SH3D19: variants seen among roughly 807,000 people sequenced by gnomAD.
SH3D19 encodes SH3 domain-containing protein 19.
SH3D19 carries 58 observed loss-of-function variants against 112.1 expected under a neutral mutation model. That is an observed-to-expected ratio of 0.52 (90% CI 0.42 to 0.64). SH3D19 has a LOEUF of 0.64. Ranked by LOEUF, SH3D19 falls within the 30% of genes least tolerant of loss-of-function variation. The pLI is 0.00. For missense variants in SH3D19, 1,090 were observed against 1,263.4 expected (o/e 0.86, Z 2.08); for synonymous variants, 391 against 448.5 (o/e 0.87, Z 1.62).
chr4:151,268,563 G>C (rs1409970822), intron 1 of SH3D19, among the ~76,000 whole-genome samples: 2 of 147,560 alleles, frequency 1.4e-5, no homozygotes, highest in Non-Finnish European at 3.0e-5. Flanking sequence ...TTAGCATTAG[G>C]TATATCTCCT....
intron 3 of SH3D19, among the ~76,000 whole-genome samples, chr4:151,187,190 GA>G (rs896898796): frequency 1.3e-5 from 2 of 151,092 alleles, no homozygotes; most frequent in Admixed American, 6.6e-5. Flanking sequence ...TGGGATTAAG[GA>G]AAAAAAACCC....
At chr4:151,161,952 C>A (rs541201050) in intron 8 of SH3D19, among the ~76,000 whole-genome samples, 1 of 150,340 alleles carries the variant, frequency 6.7e-6, no homozygotes, top group Non-Finnish European at 1.5e-5. Context: ...TTTAATTGAG[C>A]CTTTATTTTT....
chr4:151,254,371 G>T (rs907863727), intron 1 of SH3D19, among the ~76,000 whole-genome samples: 4 of 149,518 alleles, frequency 2.7e-5, no homozygotes, highest in Non-Finnish European at 5.9e-5. Context: ...TCTCACAGAG[G>T]GGGATTTGGC....
At chr4:151,233,802 C>T (rs1561387019) in intron 1 of SH3D19, among the ~76,000 whole-genome samples, 1 of 152,226 alleles carries the variant, frequency 6.6e-6, no homozygotes, top group Non-Finnish European at 1.5e-5. Context: ...TCACACTAAG[C>T]ATGACAGGGT....
Position 151,318,831 on chromosome 4 carries a change from C to A in SH3D19, c.112+6410G>T, listed in dbSNP as rs76863784. ...GCCAGTGGTCAGCCAAAAAATGAACCAAGACAGTCTGATTCTCTCATGTCA... is the reference window on the plus strand; with the variant it reads ...GCCAGTGGTCAGCCAAAAAATGAACAAAGACAGTCTGATTCTCTCATGTCA... On this transcript the variant is annotated intron_variant, in intron 1 of 19. Coordinates refer to ENST00000604030, the MANE Select transcript of SH3D19 (RefSeq NM_001378122.1). Among the ~76,000 whole-genome samples the A allele has an allele frequency of 2.6e-3, 391 of 152,134 alleles. 1 individual carries two copies. Among genetic ancestry groups the A allele is most frequent in the African/African-American group, 8.8e-3 (364 of 41,506 alleles).
At chr4:151,159,496 C>T (rs1215738589) in intron 8 of SH3D19, 144 bp from the exon 9 acceptor site, 2 of 591,698 alleles carry the variant, frequency 3.4e-6, no homozygotes, top group Non-Finnish European at 2.9e-6. Context: ...GAGCTCCCAG[C>T]AAACTTCAGA....
At chr4:151,154,209 C>G (rs1254966410) in intron 9 of SH3D19, among the ~76,000 whole-genome samples, 3 of 150,472 alleles carry the variant, frequency 2.0e-5, no homozygotes, top group Admixed American at 2.0e-4. Context: ...CTTGGCTCAC[C>G]ACAACCTCCG....
chr4:151,302,985 G>A (rs148347411), intron 1 of SH3D19, among the ~76,000 whole-genome samples: 32 of 152,124 alleles, frequency 2.1e-4, no homozygotes, highest in African/African-American at 6.5e-4. Context: ...CCTGCATGTT[G>A]TGCACATGTA....
chr4:151,179,359 T>C lies in SH3D19; in HGVS notation c.232A>G (p.Arg78Gly). The C allele has an allele frequency of 8.1e-7, 1 of 1,228,246 alleles. No individual in the cohort carries two copies. The highest frequency in any genetic ancestry group is 1.0e-6 in the Non-Finnish European group (1 of 984,630). The allele number at this position is 1,228,246 out of a possible 1,614,324, so 76.1% of individuals were successfully genotyped here. A position where few individuals can be genotyped will look rare whatever the true frequency, so the allele number is the denominator to read the frequency against. ...TSIQSELHRD[R>G]RRPEITIVAA... Reference sequence around the variant, plus strand: ...CCATTATAAATATAACCATACCTTCTATCTCGATGAAGTTCACTCTGAATA... The same window carrying C: ...CCATTATAAATATAACCATACCTTCCATCTCGATGAAGTTCACTCTGAATA... Residue 78 changes from arginine (R) to glycine (G), a missense_variant, in exon 4 of 20, where the codon AGA (arginine) becomes GGA (glycine). Arg to Gly is a moderately radical substitution (Grantham distance 125). Transcript: ENST00000604030.
intron 1 of SH3D19, among the ~76,000 whole-genome samples, chr4:151,254,588 T>C (rs553042234): frequency 2.7e-4 from 40 of 148,676 alleles, no homozygotes; most frequent in African/African-American, 9.5e-4. Context: ...CCTTAATCCA[T>C]TTAACCCTGA....
At chr4:151,229,878 G>A (rs1417895373) in intron 1 of SH3D19, among the ~76,000 whole-genome samples, 1 of 152,204 alleles carries the variant, frequency 6.6e-6, no homozygotes, top group Non-Finnish European at 1.5e-5. Context: ...TCACGCCACT[G>A]CATTCCAGCC....
chr4:151,276,567 G>A (rs1773645325), intron 1 of SH3D19, among the ~76,000 whole-genome samples: 1 of 152,120 alleles, frequency 6.6e-6, no homozygotes, highest in Non-Finnish European at 1.5e-5. Context: ...TGTGAGATAG[G>A]CTGTGGCCTC....
rs189114946 is a variant in SH3D19, at chr4:151,279,232, C to A, written c.112+46009G>T. 6.8e-5 allele frequency: 14 copies of A among 205,604 alleles called. No individual in the cohort carries two copies. The East Asian group carries it at 2.4e-3, about 36-fold the overall frequency. 12.7% of individuals were successfully genotyped at this position (205,604 alleles called of 1,614,324 possible). On this transcript the variant is annotated intron_variant, in intron 1 of 19. Coordinates refer to ENST00000604030, the MANE Select transcript of SH3D19 (RefSeq NM_001378122.1). The stretch of plus-strand genomic sequence containing the variant: ...GAAAGAGAAATGTGGAAATCTTTTT[C>A]TTTTTCAATTTTTTTTTTAGAGACC...
intron 12 of SH3D19, 75 bp from the exon 13 acceptor site, chr4:151,139,922 T>C: frequency 7.2e-7 from 1 of 1,394,818 alleles, no homozygotes; most frequent in South Asian, 1.2e-5. Flanking sequence ...TGAGACCAAT[T>C]TTTTTTTTCT....
At chr4:151,154,900 G>A (rs1412896501) in intron 9 of SH3D19, among the ~76,000 whole-genome samples, 1 of 151,946 alleles carries the variant, frequency 6.6e-6, no homozygotes, top group Non-Finnish European at 1.5e-5. Context: ...TGGGATTACA[G>A]GCACGCATCA....
At chr4:151,231,959 G>C (rs565461331) in intron 1 of SH3D19, among the ~76,000 whole-genome samples, 1 of 152,128 alleles carries the variant, frequency 6.6e-6, no homozygotes, top group East Asian at 1.9e-4. Flanking sequence ...TGAGGTGGGC[G>C]GATCACTTGA....
At chr4:151,243,437 G>A (rs1476227925) in intron 1 of SH3D19, among the ~76,000 whole-genome samples, 1 of 152,192 alleles carries the variant, frequency 6.6e-6, no homozygotes, top group Non-Finnish European at 1.5e-5. Context: ...ATAAGTTGTT[G>A]GCATGGGCCC....
At chr4:151,260,663 AG>A (rs1772307152) in intron 1 of SH3D19, among the ~76,000 whole-genome samples, 1 of 152,200 alleles carries the variant, frequency 6.6e-6, no homozygotes, top group African/African-American at 2.4e-5. Flanking sequence ...GCGGTTGCCC[AG>A]GCACCTATAA....
At chr4:151,142,873 C>T (rs1317898043) in intron 12 of SH3D19, among the ~76,000 whole-genome samples, 1 of 152,148 alleles carries the variant, frequency 6.6e-6, no homozygotes, top group African/African-American at 2.4e-5. Flanking sequence ...CAGAGGCCAA[C>T]TCTCTGCAAG....
Sources: allele counts gnomAD v4.1 joint callset (sites outside exome capture counted in the v4.1 genomes callset), GRCh38; gene constraint gnomAD v4.1.1; transcripts MANE v1.5; gene names NCBI Gene and HGNC (gene_info 2026-07-23, HGNC 2026-07-21).